ZNF536: variants seen among roughly 807,000 people sequenced by gnomAD.
The protein encoded by ZNF536 is zinc finger protein 536.
A neutral mutation model predicts 84.5 loss-of-function variants in ZNF536; 13 were observed. The ratio of observed to expected loss-of-function variants is 0.15; its 90% CI spans 0.10 to 0.24. The LOEUF is 0.24. Among genes scored for constraint, ZNF536 ranks in the 10% least tolerant of loss-of-function variants. ZNF536 has a pLI of 1.00. For missense variants in ZNF536, 1,536 were observed against 1,747.5 expected (o/e 0.88, Z 2.16); for synonymous variants, 811 against 742.5 (o/e 1.09, Z -1.50).
At chr19:30,330,531 A>G (rs577783059) in intron 2 of ZNF536, among the ~76,000 whole-genome samples, 1 of 152,126 alleles carries the variant, frequency 6.6e-6, no homozygotes, top group Non-Finnish European at 1.5e-5. Context: ...CTACCAGTGG[A>G]TTTAGAAAAG....
chr19:30,248,759 C>T, intron 1 of ZNF536, among the ~76,000 whole-genome samples: 1 of 152,078 alleles, frequency 6.6e-6, no homozygotes, highest in East Asian at 1.9e-4. Context: ...TGACCTTGGC[C>T]AGCAGTGGTT....
downstream of ZNF536, among the ~76,000 whole-genome samples, chr19:30,562,349 C>G (rs145848304): frequency 6.6e-6 from 1 of 152,244 alleles, no homozygotes; most frequent in East Asian, 1.9e-4. Flanking sequence ...AGGCCATCTG[C>G]CATTCCAGTG....
downstream of ZNF536, among the ~76,000 whole-genome samples, chr19:30,562,460 C>T (rs73924774): frequency 0.034 from 5,239 of 151,902 alleles, 105 homozygotes; most frequent in African/African-American, 0.057. Flanking sequence ...GTTAAAATAG[C>T]AAAAGAAAAG....
chr19:30,317,394 C>T (rs1421871960), intron 2 of ZNF536, among the ~76,000 whole-genome samples: 2 of 152,216 alleles, frequency 1.3e-5, no homozygotes, highest in Non-Finnish European at 2.9e-5. Flanking sequence ...CCTCTGAGTT[C>T]AGGGCAGACA....
chr19:30,711,091 A>T (rs537968289), exon 2 of ZNF536: 39 of 152,276 alleles, frequency 2.6e-4, no homozygotes, highest in African/African-American at 7.5e-4. Context: ...CCAAGGGGAA[A>T]AAATCATGTA....
At chr19:30,579,450 T>G (rs1355894110) in intron 1 of ZNF536, among the ~76,000 whole-genome samples, 1 of 152,184 alleles carries the variant, frequency 6.6e-6, no homozygotes, top group Non-Finnish European at 1.5e-5. Flanking sequence ...TGACTGGGGT[T>G]CCTTAGTTCT....
chr19:30,225,942 G>A (rs1479736056), upstream of ZNF536, among the ~76,000 whole-genome samples: 1 of 139,788 alleles, frequency 7.2e-6, no homozygotes, highest in East Asian at 2.5e-4. Flanking sequence ...GTCAGCGGGT[G>A]GGGGGTGGGG....
At chr19:30,405,838 C>T (rs768596332) in intron 1 of ZNF536, among the ~76,000 whole-genome samples, 7 of 151,278 alleles carry the variant, frequency 4.6e-5, no homozygotes, top group Admixed American at 6.6e-5. Context: ...AGTGCACTGG[C>T]ACAATCTCCA....
At chr19:30,414,367 A>G (rs2050624781) in intron 1 of ZNF536, among the ~76,000 whole-genome samples, 2 of 152,142 alleles carry the variant, frequency 1.3e-5, no homozygotes, top group African/African-American at 4.8e-5. Context: ...AACATTTATT[A>G]AGTTTACTAA....
chr19:30,642,337 G>C (rs76057276), intron 1 of ZNF536, among the ~76,000 whole-genome samples: 5 of 152,160 alleles, frequency 3.3e-5, no homozygotes, highest in African/African-American at 9.7e-5. Flanking sequence ...CAACCAGGGG[G>C]TTTGAGGGTC....
intron 1 of ZNF536, among the ~76,000 whole-genome samples, chr19:30,435,338 ATGG>A (rs1226511692): frequency 1.4e-5 from 2 of 147,184 alleles, no homozygotes; most frequent in Middle Eastern, 3.5e-3. Context: ...GATGATGGTG[ATGG>A]TGGTGATGCT....
intron 1 of ZNF536, among the ~76,000 whole-genome samples, chr19:30,612,092 A>G (rs1276218271): frequency 2.0e-5 from 3 of 152,116 alleles, no homozygotes; most frequent in African/African-American, 7.2e-5. Flanking sequence ...AAGGGATTTG[A>G]GATTATGAAA....
intron 1 of ZNF536, among the ~76,000 whole-genome samples, chr19:30,694,584 C>A (rs1008232155): frequency 6.6e-6 from 1 of 152,212 alleles, no homozygotes; most frequent in African/African-American, 2.4e-5. Flanking sequence ...CCAGGAAGAT[C>A]TTGCCAGACC....
intron 2 of ZNF536, among the ~76,000 whole-genome samples, chr19:30,508,059 C>T (rs1057068112): frequency 5.3e-5 from 8 of 152,172 alleles, no homozygotes; most frequent in Admixed American, 2.6e-4. Flanking sequence ...TCCCAGAACT[C>T]GTTTTCCATG....
At chr19:30,284,738 A>T (rs918311036) in intron 2 of ZNF536, among the ~76,000 whole-genome samples, 1 of 152,156 alleles carries the variant, frequency 6.6e-6, no homozygotes, top group African/African-American at 2.4e-5. Context: ...TATCTCTGTT[A>T]ACTCACCCTC....
chr19:30,434,569 G>A (rs1301719535), intron 1 of ZNF536, among the ~76,000 whole-genome samples: 2 of 152,320 alleles, frequency 1.3e-5, no homozygotes, highest in East Asian at 1.9e-4. Flanking sequence ...CTCATCTTTT[G>A]TATTGGAATA....
At chr19:30,689,215 TC>T (rs374220647) in intron 1 of ZNF536, among the ~76,000 whole-genome samples, 21 of 152,224 alleles carry the variant, frequency 1.4e-4, no homozygotes, top group African/African-American at 5.1e-4. Context: ...CAAAATGTTC[TC>T]CTTCCTTCTT....
At chr19:30,371,819 C>CAT (rs998868919), upstream of ZNF536, among the ~76,000 whole-genome samples, 3 of 150,080 alleles carry the variant, frequency 2.0e-5, no homozygotes, top group African/African-American at 7.4e-5. Flanking sequence ...TATATATATG[C>CAT]ATATATATGT....
rs1040656540 is a variant in ZNF536, at chr19:30,239,642, T to C, written c.-190+10969T>C. On this transcript the variant is annotated intron_variant, in intron 1 of 5. Transcript: ENST00000585628. ...CTGAGCATGGGAATTATTTTGCTTC[T>C]TAAAATGCAATTAAGTCAAAGGCCT... Among the ~76,000 whole-genome samples, 3 of 152,234 alleles carry C rather than the reference T, an allele frequency of 2.0e-5. No homozygotes were observed. In the East Asian group the frequency reaches 5.8e-4, roughly 29 times the overall value.
Sources: allele counts gnomAD v4.1 joint callset (sites outside exome capture counted in the v4.1 genomes callset), GRCh38; gene constraint gnomAD v4.1.1; transcripts MANE v1.5; gene names NCBI Gene and HGNC (gene_info 2026-07-23, HGNC 2026-07-21).